The following LIMCH1 variants were observed in gnomAD, a reference collection of about 807,000 sequenced individuals.
LIMCH1 encodes the protein LIM and calponin homology domains 1.
In LIMCH1, 113 loss-of-function variants were observed where a neutral mutation model predicts 176.5. The ratio of observed to expected loss-of-function variants is 0.64; its 90% CI spans 0.55 to 0.75. LIMCH1 has a LOEUF of 0.75. LIMCH1 is among the 30% of genes least tolerant of loss of function. The pLI is 0.00. For synonymous variants in LIMCH1, 619 were observed against 645.9 expected (o/e 0.96, Z 0.63); for missense variants, 1,674 against 1,814.9 (o/e 0.92, Z 1.41).
chr4:41,416,497 C>CA (rs201179645), intron 1 of LIMCH1, among the ~76,000 whole-genome samples: 10,143 of 143,102 alleles, frequency 0.071, 674 homozygotes, highest in South Asian at 0.19. Flanking sequence ...ACTAAAAATA[C>CA]AAAAAAAAAA....
At chr4:41,372,817 G>A (rs181422417) in intron 1 of LIMCH1, among the ~76,000 whole-genome samples, 30 of 152,326 alleles carry the variant, frequency 2.0e-4, no homozygotes, top group African/African-American at 7.0e-4. Flanking sequence ...TATTGTGAGT[G>A]AGAAGCTTAA....
At position 41,646,790 on chromosome 4, in the gene LIMCH1, G is replaced by T. The variant is rs767759948; in HGVS notation, c.2717G>T (p.Ser906Ile). The T allele has an allele frequency of 3.7e-6, 6 of 1,614,062 alleles. No homozygotes were observed. The East Asian group carries it at 1.3e-4, about 36-fold the overall frequency. The change falls in exon 17 of 32, where the codon AGT (serine) becomes ATT (isoleucine). Residue 906 changes from serine (S) to isoleucine (I), a missense_variant. Physicochemically the swap from Ser to Ile is moderately radical, Grantham distance 142. Transcript: ENST00000503057. ...SVLDTSMSAGSGSPSKTVTPK... is the reference protein window; with the variant it reads ...SVLDTSMSAGIGSPSKTVTPK... ...CTGGATACCAGCATGTCAGCAGGCAGTGGGTCTCCAAGCAAAACTGTCACT... is the reference window on the plus strand; with the variant it reads ...CTGGATACCAGCATGTCAGCAGGCATTGGGTCTCCAAGCAAAACTGTCACT...
chr4:41,606,022 C>G lies in LIMCH1; in HGVS notation c.9+18C>G. On this transcript the variant is annotated intron_variant, in intron 4 of 31. Transcript: ENST00000503057. ...TGCGAAAGGTAACTTGGCTTTTCTTCTTTATCCCATAAGCGTTAGACAAGG... is the reference window on the plus strand; with the variant it reads ...TGCGAAAGGTAACTTGGCTTTTCTTGTTTATCCCATAAGCGTTAGACAAGG... 2.6e-6 allele frequency: 4 copies of G among 1,541,412 alleles called. No homozygotes were observed. Among genetic ancestry groups the G allele is most frequent in the Non-Finnish European group, 3.6e-6 (4 of 1,114,542 alleles).
In LIMCH1 at chr4:41,666,684, T is replaced by C. The variant is rs756680304; in HGVS notation, c.3397+18T>C. The C allele has an allele frequency of 6.6e-7, 1 of 1,520,950 alleles. No homozygotes were observed. Among genetic ancestry groups the C allele is most frequent in the African/African-American group, 1.4e-5 (1 of 73,000 alleles). The allele number at this position is 1,520,950 out of a possible 1,614,324, so 94.2% of individuals were successfully genotyped here. Reference sequence around the variant, plus strand: ...TTCTCAAGGTAAAGAGGACATGTTTTATTTTAGGTCTGCATGTTCTGGGCC... The same window carrying C: ...TTCTCAAGGTAAAGAGGACATGTTTCATTTTAGGTCTGCATGTTCTGGGCC... On this transcript the variant is annotated intron_variant, in intron 21 of 31. Coordinates refer to ENST00000503057, the MANE Select transcript of LIMCH1 (RefSeq NM_001330672.2).
At chr4:41,486,446 T>C (rs2069548728) in intron 1 of LIMCH1, among the ~76,000 whole-genome samples, 1 of 152,196 alleles carries the variant, frequency 6.6e-6, no homozygotes, top group East Asian at 1.9e-4. Context: ...GGCAGCTGTT[T>C]TGCTGTTTAT....
At chr4:41,621,173 G>A (rs1037388622) in intron 7 of LIMCH1, among the ~76,000 whole-genome samples, 1 of 152,176 alleles carries the variant, frequency 6.6e-6, no homozygotes, top group Non-Finnish European at 1.5e-5. Flanking sequence ...GTACTAAGTA[G>A]AATTGGGTTT....
chr4:41,384,058 C>T (rs913530449), intron 1 of LIMCH1, among the ~76,000 whole-genome samples: 4 of 152,180 alleles, frequency 2.6e-5, no homozygotes, highest in Non-Finnish European at 4.4e-5. Flanking sequence ...TGAAAAGTGA[C>T]TGCTGAATAT....
At chr4:41,662,422 A>T (rs1185230479) in intron 19 of LIMCH1, among the ~76,000 whole-genome samples, 1 of 152,238 alleles carries the variant, frequency 6.6e-6, no homozygotes, top group Non-Finnish European at 1.5e-5. Context: ...TGAAATACAA[A>T]AAAAGGAAGC....
chr4:41,384,367 G>T (rs2056180027), intron 1 of LIMCH1, among the ~76,000 whole-genome samples: 1 of 151,900 alleles, frequency 6.6e-6, no homozygotes, highest in South Asian at 2.1e-4. Flanking sequence ...ACCACGCCGG[G>T]CTATTTTTTT....
chr4:41,522,896 G>T (rs1228889353), intron 2 of LIMCH1, among the ~76,000 whole-genome samples: 2 of 152,100 alleles, frequency 1.3e-5, no homozygotes, highest in African/African-American at 2.4e-5. Context: ...TAAATTTATG[G>T]TTAAAAAATA....
intron 1 of LIMCH1, among the ~76,000 whole-genome samples, chr4:41,473,937 G>A (rs2067349684): frequency 6.6e-6 from 1 of 152,162 alleles, no homozygotes; most frequent in Non-Finnish European, 1.5e-5. Context: ...CAGCACTTTG[G>A]GAGGCTGAGG....
chr4:41,572,150 T>C (rs1463726915), intron 1 of LIMCH1, among the ~76,000 whole-genome samples: 1 of 152,174 alleles, frequency 6.6e-6, no homozygotes, highest in Non-Finnish European at 1.5e-5. Flanking sequence ...GAATTCTGCT[T>C]TGTCAAACTT....
At chr4:41,691,239 C>G (rs1266698332) in intron 30 of LIMCH1, among the ~76,000 whole-genome samples, 2 of 152,146 alleles carry the variant, frequency 1.3e-5, no homozygotes, top group Non-Finnish European at 2.9e-5. Context: ...AAGCCTCACT[C>G]TGTCCCAGGT....
At chr4:41,463,650 A>G (rs2065699063) in intron 1 of LIMCH1, among the ~76,000 whole-genome samples, 1 of 150,272 alleles carries the variant, frequency 6.7e-6, no homozygotes, top group South Asian at 2.1e-4. Flanking sequence ...ATCTCGGCTC[A>G]CTGCAGCCCC....
chr4:41,484,250 T>C (rs1355400422), intron 1 of LIMCH1, among the ~76,000 whole-genome samples: 3 of 152,250 alleles, frequency 2.0e-5, no homozygotes, highest in Non-Finnish European at 4.4e-5. Context: ...TGTTTTCTAA[T>C]GTTTTATTTT....
chr4:41,456,332 G>A (rs2064593082), intron 1 of LIMCH1, among the ~76,000 whole-genome samples: 1 of 152,002 alleles, frequency 6.6e-6, no homozygotes, highest in Non-Finnish European at 1.5e-5. Context: ...TTCTTATTAT[G>A]TTTGATTGTT....
chr4:41,499,557 C>T (rs759390150), intron 2 of LIMCH1, among the ~76,000 whole-genome samples: 7 of 152,212 alleles, frequency 4.6e-5, no homozygotes, highest in Non-Finnish European at 8.8e-5. Context: ...CGATGGCTCA[C>T]GCCTATAATT....
At chr4:41,655,004 G>A (rs2094424335) in intron 18 of LIMCH1, among the ~76,000 whole-genome samples, 2 of 152,150 alleles carry the variant, frequency 1.3e-5, no homozygotes, top group Non-Finnish European at 2.9e-5. Context: ...ATATAGGACT[G>A]TAAAAGAATT....
chr4:41,673,145 T>C (rs1354552171), intron 22 of LIMCH1, among the ~76,000 whole-genome samples: 1 of 152,172 alleles, frequency 6.6e-6, no homozygotes, highest in Non-Finnish European at 1.5e-5. Context: ...TAACCCTTGA[T>C]GTCCCCAGCC....
Sources: gnomAD v4.1 joint callset for allele counts (sites outside exome capture counted in the v4.1 genomes callset) on GRCh38, gnomAD v4.1.1 for gene constraint, MANE v1.5 for transcripts, NCBI Gene and HGNC (gene_info 2026-07-23, HGNC 2026-07-21) for gene names.